RDX: variants seen among roughly 807,000 people sequenced by gnomAD.
The protein encoded by RDX is radixin.
A neutral mutation model predicts 83.7 loss-of-function variants in RDX; 32 were observed. The ratio of observed to expected loss-of-function variants is 0.38; its 90% CI spans 0.29 to 0.51. The LOEUF (loss-of-function observed/expected upper bound fraction) is 0.51. Among genes scored for constraint, RDX ranks in the 20% least tolerant of loss-of-function variants. RDX has a pLI of 0.87. For missense variants in RDX, 600 were observed against 689.9 expected, an observed-to-expected ratio of 0.87 and a Z score of 1.46; for synonymous variants, 229 against 222.7, an observed-to-expected ratio of 1.03 and a Z score of -0.25.
chr11:110,271,510 C>G (rs192190229), intron 3 of RDX, among the ~76,000 whole-genome samples: 1 of 152,312 alleles, frequency 6.6e-6, no homozygotes, highest in Non-Finnish European at 1.5e-5. Flanking sequence ...GGGCCAATCC[C>G]TTACCTCGTT....
chr11:110,243,695 G>A (rs977747030), intron 10 of RDX, among the ~76,000 whole-genome samples: 10 of 151,952 alleles, frequency 6.6e-5, no homozygotes, highest in African/African-American at 1.5e-4. Flanking sequence ...TCCAGCCTGC[G>A]TGACTGAGCA....
intron 15 of RDX, among the ~76,000 whole-genome samples, chr11:110,190,412 C>T (rs991422864): frequency 2.0e-5 from 3 of 152,278 alleles, no homozygotes; most frequent in African/African-American, 7.2e-5. Flanking sequence ...CGAGACTGTG[C>T]CACTGTACTT....
At chr11:110,270,759 T>C (rs1860272004) in intron 3 of RDX, among the ~76,000 whole-genome samples, 1 of 152,238 alleles carries the variant, frequency 6.6e-6, no homozygotes. Flanking sequence ...TTCATTTTCC[T>C]GTATCCAAGT....
At chr11:110,203,004 C>T (rs1351244904) in intron 14 of RDX, among the ~76,000 whole-genome samples, 1 of 152,094 alleles carries the variant, frequency 6.6e-6, no homozygotes, top group East Asian at 1.9e-4. Context: ...AACCCCACTA[C>T]TGTGTATATA....
Position 110,264,788 on chromosome 11 carries a change from T to G in RDX, c.183A>C (p.Leu61=). 6.2e-7 allele frequency: 1 copy of G among 1,607,896 alleles called. No homozygotes were observed. The highest frequency in any genetic ancestry group is 8.5e-7 in the Non-Finnish European group (1 of 1,174,792). Residue 61 remains leucine (L), a synonymous_variant, in exon 4 of 14, where the codon CTA becomes CTC. Coordinates refer to ENST00000645495, the MANE Select transcript of RDX (RefSeq NM_002906.4). ...ATCGTACATATTTTACCTTTTTATT[T>G]AGTTTAAGCCATGTAGAATAACCTT... ...DSKGYSTWLK[L]NKKVTQQDVK... is the part of the protein sequence containing the mutation.
chr11:110,193,522 A>C (rs1343640919), intron 15 of RDX, among the ~76,000 whole-genome samples: 2 of 143,368 alleles, frequency 1.4e-5, no homozygotes, highest in South Asian at 4.5e-4. Context: ...ATCTAAAATA[A>C]ATCTTGAAAT....
intron 14 of RDX, among the ~76,000 whole-genome samples, chr11:110,214,966 T>A (rs1392816999): frequency 6.8e-6 from 1 of 147,638 alleles, no homozygotes; most frequent in Non-Finnish European, 1.5e-5. Flanking sequence ...CAATGTGCAC[T>A]TGTACCCTAA....
chr11:110,227,843 G>T (rs1484463606), downstream of RDX, among the ~76,000 whole-genome samples: 1 of 152,072 alleles, frequency 6.6e-6, no homozygotes, highest in Non-Finnish European at 1.5e-5. Flanking sequence ...GTGTCATGGG[G>T]TATCACCTTA....
chr11:110,209,260 C>T (rs1416821395), intron 14 of RDX, among the ~76,000 whole-genome samples: 1 of 151,858 alleles, frequency 6.6e-6, no homozygotes, highest in African/African-American at 2.4e-5. Flanking sequence ...CACTCCCACC[C>T]GAATACTGCG....
At chr11:110,228,714 A>C (rs965609487), downstream of RDX, among the ~76,000 whole-genome samples, 3 of 151,922 alleles carry the variant, frequency 2.0e-5, no homozygotes, top group African/African-American at 7.2e-5. Context: ...TTAAAAAAAA[A>C]CACAATAATA....
intron 9 of RDX, among the ~76,000 whole-genome samples, chr11:110,250,171 A>G (rs931809432): frequency 6.6e-6 from 1 of 152,246 alleles, no homozygotes; most frequent in Non-Finnish European, 1.5e-5. Context: ...TCTCCGGGCA[A>G]AAGAAAGGCC....
chr11:110,219,226 G>A (rs1864162551), intron 14 of RDX, among the ~76,000 whole-genome samples: 1 of 152,178 alleles, frequency 6.6e-6, no homozygotes, highest in South Asian at 2.1e-4. Context: ...AGCTGAGTAA[G>A]AGGAGTTGGA....
At chr11:110,254,136 A>T in intron 8 of RDX, 27 bp from the exon 9 acceptor site, 1 of 1,595,036 alleles carries the variant, frequency 6.3e-7, no homozygotes, top group Non-Finnish European at 8.6e-7. Context: ...CTGAATTTAA[A>T]ATCTTCCTCA....
downstream of RDX, among the ~76,000 whole-genome samples, chr11:110,225,817 C>T (rs769088876): frequency 1.7e-4 from 25 of 151,512 alleles, no homozygotes; most frequent in African/African-American, 5.3e-4. Flanking sequence ...GAGGCCAAGG[C>T]GGGCAGATCA....
At chr11:110,293,321 T>A (rs1188015450) in intron 1 of RDX, among the ~76,000 whole-genome samples, 1 of 152,232 alleles carries the variant, frequency 6.6e-6, no homozygotes, top group Non-Finnish European at 1.5e-5. Context: ...AGGAGGACTT[T>A]GACCTTTTCC....
At chr11:110,295,448 G>A (rs1468699387) in intron 1 of RDX, among the ~76,000 whole-genome samples, 1 of 151,834 alleles carries the variant, frequency 6.6e-6, no homozygotes, top group Non-Finnish European at 1.5e-5. Flanking sequence ...CCACAAGAAT[G>A]CCATCGAGTT....
At chr11:110,177,876 C>T (rs151119367) in intron 15 of RDX, among the ~76,000 whole-genome samples, 174 of 152,250 alleles carry the variant, frequency 1.1e-3, no homozygotes, top group African/African-American at 3.7e-3. Context: ...TAGAGTTAAC[C>T]GTCTCATGAT....
chr11:110,241,081 G>A (rs965117725), intron 10 of RDX, among the ~76,000 whole-genome samples: 1 of 148,224 alleles, frequency 6.7e-6, no homozygotes, highest in South Asian at 2.1e-4. Context: ...AAAAAGGGGC[G>A]GGGGGGCAAA....
chr11:110,227,400 A>T (rs1343851697), downstream of RDX, among the ~76,000 whole-genome samples: 2 of 152,164 alleles, frequency 1.3e-5, no homozygotes, highest in African/African-American at 4.8e-5. Context: ...TTTAGGAGCA[A>T]ACTAAATGGC....
Sources: gnomAD v4.1 joint callset for allele counts (sites outside exome capture counted in the v4.1 genomes callset) on GRCh38, gnomAD v4.1.1 for gene constraint, MANE v1.5 for transcripts, NCBI Gene and HGNC (gene_info 2026-07-23, HGNC 2026-07-21) for gene names.